The following CSMD1 variants were observed in gnomAD, a reference collection of about 807,000 sequenced individuals.
CSMD1 encodes the protein CUB and sushi domain-containing protein 1.
A neutral mutation model predicts 417.5 loss-of-function variants in CSMD1; 213 were observed. The observed-to-expected ratio is 0.51, with a 90% CI of 0.46 to 0.57. CSMD1 has a LOEUF of 0.57. Among genes scored for constraint, CSMD1 ranks in the 20% least tolerant of loss-of-function variants. The pLI is 0.00. For synonymous variants in CSMD1, 2,862 were observed against 1,736.8 expected (o/e 1.65, Z -16.11); for missense variants, 6,923 against 4,529.7 (o/e 1.53, Z -15.17).
At chr8:4,086,097 T>C (rs187101378) in intron 3 of CSMD1, among the ~76,000 whole-genome samples, 2 of 152,358 alleles carry the variant, frequency 1.3e-5, no homozygotes, top group East Asian at 3.9e-4. Flanking sequence ...ATCTCATTTT[T>C]CCTACTAGTT....
At chr8:4,782,924 T>G (rs954914234) in intron 1 of CSMD1, among the ~76,000 whole-genome samples, 2 of 149,584 alleles carry the variant, frequency 1.3e-5, no homozygotes, top group Non-Finnish European at 3.0e-5. Flanking sequence ...TTTGGATTCT[T>G]ATAAAACAAT....
intron 6 of CSMD1, among the ~76,000 whole-genome samples, chr8:3,726,610 G>A (rs1802512341): frequency 6.6e-6 from 1 of 152,156 alleles, no homozygotes. Context: ...AGTTCCCTGT[G>A]TTACGAGGGT....
intron 1 of CSMD1, among the ~76,000 whole-genome samples, chr8:4,955,707 C>T (rs957019791): frequency 2.1e-5 from 3 of 146,062 alleles, no homozygotes; most frequent in East Asian, 4.2e-4. Context: ...CCACCCACCT[C>T]GGCCTCCTAA....
chr8:3,198,001 G>A (rs917013413), intron 33 of CSMD1, among the ~76,000 whole-genome samples: 2 of 152,148 alleles, frequency 1.3e-5, no homozygotes, highest in African/African-American at 4.8e-5. Context: ...ATAAAATATT[G>A]AGGATGTTAG....
intron 2 of CSMD1, among the ~76,000 whole-genome samples, chr8:4,530,591 C>A (rs896486837): frequency 1.3e-5 from 2 of 150,916 alleles, no homozygotes; most frequent in South Asian, 4.2e-4. Context: ...GAGGAACATG[C>A]GGTACTTGAT....
intron 7 of CSMD1, among the ~76,000 whole-genome samples, chr8:3,659,872 T>A (rs1335625292): frequency 6.6e-6 from 1 of 152,192 alleles, no homozygotes; most frequent in Non-Finnish European, 1.5e-5. Flanking sequence ...AGAGAAATAA[T>A]GCCATATAAA....
At chr8:3,382,349 T>C (rs1810680366) in intron 18 of CSMD1, among the ~76,000 whole-genome samples, 1 of 146,568 alleles carries the variant, frequency 6.8e-6, no homozygotes. Context: ...TTTATATATG[T>C]ATATTTATTA....
chr8:3,874,600 C>T (rs1805692260), intron 5 of CSMD1, among the ~76,000 whole-genome samples: 1 of 152,114 alleles, frequency 6.6e-6, no homozygotes, highest in Non-Finnish European at 1.5e-5. Context: ...AAGCATCATT[C>T]AGTAGATTAA....
At chr8:3,889,761 A>T (rs1372242365) in intron 5 of CSMD1, among the ~76,000 whole-genome samples, 1 of 151,976 alleles carries the variant, frequency 6.6e-6, no homozygotes, top group Non-Finnish European at 1.5e-5. Flanking sequence ...CACCTTAAGC[A>T]TATGAAAGAC....
chr8:3,576,015 T>C (rs541811258), intron 9 of CSMD1, among the ~76,000 whole-genome samples: 1 of 152,004 alleles, frequency 6.6e-6, no homozygotes, highest in African/African-American at 2.4e-5. Context: ...AGACATCCTA[T>C]GACACAAACT....
intron 23 of CSMD1, among the ~76,000 whole-genome samples, chr8:3,319,393 A>G (rs906250155): frequency 1.8e-4 from 27 of 152,228 alleles, no homozygotes; most frequent in Admixed American, 2.6e-4. Flanking sequence ...GTCAGTCAAT[A>G]TAAGATTCAA....
At chr8:3,631,172 AG>A (rs1425019486) in intron 7 of CSMD1, among the ~76,000 whole-genome samples, 4 of 152,220 alleles carry the variant, frequency 2.6e-5, no homozygotes, top group Non-Finnish European at 1.5e-5. Flanking sequence ...CTAAACCGGC[AG>A]GACTCCTTCC....
intron 3 of CSMD1, among the ~76,000 whole-genome samples, chr8:4,217,227 A>G (rs1263348628): frequency 2.0e-5 from 3 of 152,336 alleles, no homozygotes; most frequent in Non-Finnish European, 2.9e-5. Context: ...TCTTCTTGAT[A>G]TAAAAATGCT....
intron 3 of CSMD1, among the ~76,000 whole-genome samples, chr8:4,300,705 C>A (rs539712795): frequency 5.1e-4 from 77 of 152,284 alleles, no homozygotes; most frequent in South Asian, 2.9e-3. Context: ...CCACAACAGT[C>A]CCCGGAGTGT....
chr8:4,880,363 G>C (rs1803311290), intron 1 of CSMD1, among the ~76,000 whole-genome samples: 1 of 152,054 alleles, frequency 6.6e-6, no homozygotes, highest in South Asian at 2.1e-4. Flanking sequence ...CTTGACGTCT[G>C]AACACACAAA....
At chr8:3,492,966 T>C (rs926143763) in intron 11 of CSMD1, among the ~76,000 whole-genome samples, 4 of 151,988 alleles carry the variant, frequency 2.6e-5, no homozygotes, top group Non-Finnish European at 5.9e-5. Flanking sequence ...CCTGATAATA[T>C]AACATCACAG....
intron 3 of CSMD1, among the ~76,000 whole-genome samples, chr8:4,236,145 A>T (rs1802045068): frequency 6.8e-6 from 1 of 146,596 alleles, no homozygotes; most frequent in East Asian, 2.0e-4. Flanking sequence ...ACCGTATGTT[A>T]TCAGTAAGGT....
At chr8:4,349,422 T>G (rs1800959957) in intron 3 of CSMD1, among the ~76,000 whole-genome samples, 1 of 152,210 alleles carries the variant, frequency 6.6e-6, no homozygotes, top group South Asian at 2.1e-4. Context: ...TCTACTTTAA[T>G]GATAGAGAAA....
intron 3 of CSMD1, among the ~76,000 whole-genome samples, chr8:4,278,512 T>G (rs764390703): frequency 6.6e-6 from 1 of 152,216 alleles, no homozygotes; most frequent in African/African-American, 2.4e-5. Context: ...AAAGTAATTG[T>G]GAGTTTTACC....
Sources: allele counts gnomAD v4.1 joint callset (sites outside exome capture counted in the v4.1 genomes callset), GRCh38; gene constraint gnomAD v4.1.1; transcripts MANE v1.5; gene names NCBI Gene and HGNC (gene_info 2026-07-23, HGNC 2026-07-21).